TNFAIP8: variants seen among roughly 807,000 people sequenced by gnomAD.
TNFAIP8 encodes tumor necrosis factor alpha-induced protein 8.
TNFAIP8 carries 7 observed loss-of-function variants against 13.3 expected under a neutral mutation model. The observed-to-expected ratio is 0.52, with a 90% CI of 0.30 to 0.99. The LOEUF (loss-of-function observed/expected upper bound fraction) is 0.99. TNFAIP8 is among the 50% of genes least tolerant of loss of function. The pLI, the probability that TNFAIP8 is intolerant of heterozygous loss-of-function variation, is 0.07. For synonymous variants in TNFAIP8, 94 were observed against 87.6 expected (o/e 1.07, Z -0.41); for missense variants, 258 against 236.9 (o/e 1.09, Z -0.58).
In TNFAIP8 at chr5:119,364,944, C is replaced by T. The variant is rs573179273; in HGVS notation, c.31+8823C>T. Reference sequence around the variant, plus strand: ...TTGGCTCACTGCAATGTCTGCCTCCCAGGTTCAACTGATTCCCCTGCCTCA... The same window carrying T: ...TTGGCTCACTGCAATGTCTGCCTCCTAGGTTCAACTGATTCCCCTGCCTCA... On this transcript the variant is annotated intron_variant, in intron 1 of 1. Transcript: ENST00000504771. Among the ~76,000 whole-genome samples, 105 of 148,440 alleles carry T rather than the reference C, an allele frequency of 7.1e-4. No homozygotes were observed. In the Middle Eastern group the frequency reaches 0.01, roughly 15 times the overall value.
At chr5:119,281,306 ACTCTCTCTCT>A (rs34012819) in intron 1 of TNFAIP8, among the ~76,000 whole-genome samples, 3 of 114,134 alleles carry the variant, frequency 2.6e-5, no homozygotes, top group Non-Finnish European at 5.6e-5. Context: ...ACACACACAC[ACTCTCTCTCT>A]CTCACACTTA....
At chr5:119,271,912 G>T (rs1379940852) in intron 1 of TNFAIP8, among the ~76,000 whole-genome samples, 3 of 152,292 alleles carry the variant, frequency 2.0e-5, no homozygotes, top group South Asian at 2.1e-4. Flanking sequence ...CTCTGGCTAA[G>T]AATTTTCTTC....
intron 1 of TNFAIP8, among the ~76,000 whole-genome samples, chr5:119,330,634 C>G (rs1750347942): frequency 6.6e-6 from 1 of 152,138 alleles, no homozygotes; most frequent in Non-Finnish European, 1.5e-5. Flanking sequence ...GATTGCCACC[C>G]ACTTTCGCAG....
intron 1 of TNFAIP8, among the ~76,000 whole-genome samples, chr5:119,291,694 T>G (rs540879161): frequency 3.3e-5 from 5 of 152,296 alleles, no homozygotes; most frequent in Admixed American, 1.3e-4. Context: ...GGGGCAGAGT[T>G]TTTTCCCTCT....
upstream of TNFAIP8, among the ~76,000 whole-genome samples, chr5:119,351,449 C>T (rs1469836175): frequency 1.3e-5 from 2 of 152,098 alleles, no homozygotes; most frequent in Non-Finnish European, 2.9e-5. Context: ...CTGAGATAGT[C>T]AACATTTTAT....
chr5:119,386,958 TCTCC>T (rs746624859), intron 1 of TNFAIP8, among the ~76,000 whole-genome samples: 3 of 125,400 alleles, frequency 2.4e-5, no homozygotes, highest in East Asian at 2.3e-4. Flanking sequence ...TTCTACTGGG[TCTCC>T]CTCCCTCCCT....
intron 1 of TNFAIP8, among the ~76,000 whole-genome samples, chr5:119,285,392 T>C (rs1226243709): frequency 6.6e-6 from 1 of 152,180 alleles, no homozygotes; most frequent in African/African-American, 2.4e-5. Flanking sequence ...GGTAGTATCC[T>C]GGGTCCCTGT....
intron 1 of TNFAIP8, among the ~76,000 whole-genome samples, chr5:119,285,069 T>G: frequency 6.6e-6 from 1 of 152,198 alleles, no homozygotes; most frequent in East Asian, 1.9e-4. Context: ...TAGAGAAATT[T>G]TGCTTACATG....
At chr5:119,354,351 C>G (rs1337257600), upstream of TNFAIP8, 1 of 152,194 alleles carries the variant, frequency 6.6e-6, no homozygotes, top group Non-Finnish European at 1.5e-5. Context: ...CTATATCTTC[C>G]TCCCTTCATC....
chr5:119,371,495 G>A (rs1372987310), intron 1 of TNFAIP8, among the ~76,000 whole-genome samples: 3 of 152,102 alleles, frequency 2.0e-5, no homozygotes, highest in Non-Finnish European at 4.4e-5. Flanking sequence ...AAGCATAACT[G>A]CTAGACTGGA....
chr5:119,304,865 G>T (rs1749504711), intron 1 of TNFAIP8, among the ~76,000 whole-genome samples: 1 of 152,316 alleles, frequency 6.6e-6, no homozygotes. Flanking sequence ...CTAACTCTGT[G>T]TTTGAAGCTG....
At chr5:119,280,778 A>G (rs905554022) in intron 1 of TNFAIP8, among the ~76,000 whole-genome samples, 3 of 152,156 alleles carry the variant, frequency 2.0e-5, no homozygotes, top group Admixed American at 6.6e-5. Flanking sequence ...CGCCTTTTCA[A>G]TCTGTTATTT....
At chr5:119,367,881 T>C (rs1300326784) in intron 1 of TNFAIP8, among the ~76,000 whole-genome samples, 1 of 152,216 alleles carries the variant, frequency 6.6e-6, no homozygotes, top group Admixed American at 6.5e-5. Context: ...TTCTATTATA[T>C]AGATTGAAAT....
chr5:119,371,758 G>T (rs566743992), intron 1 of TNFAIP8, among the ~76,000 whole-genome samples: 1 of 152,296 alleles, frequency 6.6e-6, no homozygotes, highest in Admixed American at 6.5e-5. Context: ...AGGCGTGGTG[G>T]CTCATGCCTG....
chr5:119,331,319 A>G (rs1445074955), intron 1 of TNFAIP8, among the ~76,000 whole-genome samples: 1 of 151,200 alleles, frequency 6.6e-6, no homozygotes, highest in Non-Finnish European at 1.5e-5. Context: ...CCTGCTCTCT[A>G]GCCTATGTCT....
intron 1 of TNFAIP8, among the ~76,000 whole-genome samples, chr5:119,287,136 C>T (rs1332261699): frequency 6.6e-6 from 1 of 152,166 alleles, no homozygotes; most frequent in Non-Finnish European, 1.5e-5. Flanking sequence ...CTTTTCTGGT[C>T]CAGAAGTCAT....
chr5:119,294,955 G>A (rs1191255654), intron 1 of TNFAIP8, among the ~76,000 whole-genome samples: 1 of 151,832 alleles, frequency 6.6e-6, no homozygotes, highest in Non-Finnish European at 1.5e-5. Flanking sequence ...TTTGTCAGAT[G>A]AGTAGGTTGC....
intron 1 of TNFAIP8, among the ~76,000 whole-genome samples, chr5:119,278,531 C>G (rs1748530705): frequency 6.6e-6 from 1 of 151,952 alleles, no homozygotes; most frequent in Non-Finnish European, 1.5e-5. Context: ...TTGGCCAGAA[C>G]TGAGTCACAG....
At chr5:119,289,800 C>T (rs1299725513) in intron 1 of TNFAIP8, among the ~76,000 whole-genome samples, 6 of 152,264 alleles carry the variant, frequency 3.9e-5, no homozygotes, top group Admixed American at 1.3e-4. Context: ...AGAAGTGAGG[C>T]GAGATCTCTC....
Sources: allele counts gnomAD v4.1 joint callset (sites outside exome capture counted in the v4.1 genomes callset), GRCh38; gene constraint gnomAD v4.1.1; transcripts MANE v1.5; gene names NCBI Gene and HGNC (gene_info 2026-07-23, HGNC 2026-07-21).